ICA1L: variants seen among roughly 807,000 people sequenced by gnomAD.
The protein encoded by ICA1L is islet cell autoantigen 1 like.
A neutral mutation model predicts 61.3 loss-of-function variants in ICA1L; 50 were observed. That is an observed-to-expected ratio of 0.82 (90% CI 0.65 to 1.03). The LOEUF is 1.03. Ranked by LOEUF, ICA1L falls within the 50% of genes least tolerant of loss-of-function variation. ICA1L has a pLI of 0.00. For synonymous variants in ICA1L, 161 were observed against 191.3 expected (o/e 0.84, Z 1.31); for missense variants, 508 against 556.7 (o/e 0.91, Z 0.88).
At chr2:202,790,587 C>T (rs902944036) in intron 10 of ICA1L, among the ~76,000 whole-genome samples, 18 of 152,118 alleles carry the variant, frequency 1.2e-4, no homozygotes, top group African/African-American at 4.1e-4. Flanking sequence ...GCCAGCATTT[C>T]ACATCCCGTC....
At chr2:202,862,272 CAAAAAA>C (rs778355110) in intron 1 of ICA1L, among the ~76,000 whole-genome samples, 2,620 of 61,076 alleles carry the variant, frequency 0.043, no homozygotes, top group Non-Finnish European at 0.053. Flanking sequence ...CTCATTTCTA[CAAAAAA>C]AAAAAAAAAA....
rs567280990 is a variant in ICA1L at position 202,774,458 on chromosome 2, T to C, written c.*5075A>G. ...CGTCCAGGCCAGCTCAAGAAACAAC[T>C]TTTTCTTTCATGTTTTTTGTATGTG... On this transcript the variant is annotated 3_prime_UTR_variant, in exon 13 of 13. Coordinates refer to ENST00000358299, the MANE Select transcript of ICA1L (RefSeq NM_001288622.3). 9.6e-6 allele frequency: 5 copies of C among 520,754 alleles called. No homozygotes were observed. Among genetic ancestry groups the C allele is most frequent in the Non-Finnish European group, 1.6e-5 (5 of 320,636 alleles). 32.3% of individuals were successfully genotyped at this position (520,754 alleles called of 1,614,324 possible).
chr2:202,870,950 C>G (rs971845483), intron 1 of ICA1L: 1 of 152,214 alleles, frequency 6.6e-6, no homozygotes, highest in African/African-American at 2.4e-5. Flanking sequence ...GACCAGCTGA[C>G]GCGCGTTTCC....
At chr2:202,784,480 T>A (rs1054770156) in intron 12 of ICA1L, among the ~76,000 whole-genome samples, 4 of 152,120 alleles carry the variant, frequency 2.6e-5, no homozygotes, top group Admixed American at 2.0e-4. Context: ...ATATTGATAA[T>A]AAATAAATGA....
chr2:202,841,445 C>T, intron 1 of ICA1L: 1 of 1,160,110 alleles, frequency 8.6e-7, no homozygotes, highest in South Asian at 1.2e-5. Context: ...TTCTGCTGCT[C>T]CAGGAATTGT....
At chr2:202,851,884 T>A (rs1197219033) in intron 1 of ICA1L, among the ~76,000 whole-genome samples, 2 of 152,188 alleles carry the variant, frequency 1.3e-5, no homozygotes, top group Non-Finnish European at 2.9e-5. Context: ...TTGTTTGAGT[T>A]CTTTGTAGAT....
chr2:202,787,796 TA>T (rs989160100), intron 11 of ICA1L, among the ~76,000 whole-genome samples: 1 of 152,042 alleles, frequency 6.6e-6, no homozygotes, highest in African/African-American at 2.4e-5. Flanking sequence ...TAAAGCAAGA[TA>T]AAGTAGGATT....
intron 1 of ICA1L, among the ~76,000 whole-genome samples, chr2:202,843,020 T>C (rs1190351841): frequency 6.6e-6 from 1 of 152,248 alleles, no homozygotes; most frequent in African/African-American, 2.4e-5. Context: ...TTTCTTATTT[T>C]GGTCATCTAT....
At chr2:202,788,804 T>C (rs1324481944) in intron 11 of ICA1L, 26 bp downstream of exon 11, 2 of 1,612,618 alleles carry the variant, frequency 1.2e-6, no homozygotes, top group Non-Finnish European at 1.7e-6. Context: ...AAAGCACATA[T>C]GTCCAAATGT....
rs1464899716 is a variant in ICA1L at position 202,775,479 on chromosome 2, T to TTA, written c.*4052_*4053dup. On this transcript the variant is annotated 3_prime_UTR_variant, in exon 13 of 13. Coordinates refer to ENST00000358299, the MANE Select transcript of ICA1L (RefSeq NM_001288622.3). Reference sequence around the variant, plus strand: ...CGTACATTATATTATTTCCCATATCTTACATAGTCCCCTTGTATATGAAAT... The same window carrying TTA: ...CGTACATTATATTATTTCCCATATCTTATACATAGTCCCCTTGTATATGAAAT... 1 of 152,214 alleles carries TTA rather than the reference T, an allele frequency of 6.6e-6. No homozygotes were observed. Among genetic ancestry groups the TTA allele is most frequent in the African/African-American group, 2.4e-5 (1 of 41,458 alleles). 9.4% of individuals were successfully genotyped at this position (152,214 alleles called of 1,614,324 possible). A position where few individuals can be genotyped will look rare whatever the true frequency, so the allele number is the denominator to read the frequency against.
At position 202,820,551 on chromosome 2, in the gene ICA1L, A is replaced by G. The variant is rs17594279; in HGVS notation, c.360-652T>C. On this transcript the variant is annotated intron_variant, in intron 4 of 12. Transcript: ENST00000358299. ...ATTCATAAAGCATAATCCAATTAAC[A>G]GAAAGCCTTTCATTTGACAAGTTCA... Among the ~76,000 whole-genome samples the G allele has an allele frequency of 2.4e-3, 367 of 152,340 alleles. 9 individuals are homozygous for G. In the East Asian group the frequency reaches 0.06, roughly 25 times the overall value.
At chr2:202,864,603 GTATATGTGTGTGTGTATATA>G (rs931952353) in intron 1 of ICA1L, among the ~76,000 whole-genome samples, 1 of 147,840 alleles carries the variant, frequency 6.8e-6, no homozygotes, top group African/African-American at 2.5e-5. Context: ...GTGTATGTAT[GTATATGTGTGTGTGTATATA>G]TATATGTGTG....
At chr2:202,842,145 G>A (rs1049261520) in intron 1 of ICA1L, among the ~76,000 whole-genome samples, 25 of 152,204 alleles carry the variant, frequency 1.6e-4, no homozygotes, top group East Asian at 5.8e-4. Flanking sequence ...ATGGGCCACC[G>A]CACCAGGCCT....
At chr2:202,810,156 G>C (rs1693334104) in intron 9 of ICA1L, among the ~76,000 whole-genome samples, 1 of 152,192 alleles carries the variant, frequency 6.6e-6, no homozygotes, top group African/African-American at 2.4e-5. Context: ...AGACTTTTCA[G>C]TGGAAACCTT....
chr2:202,850,522 C>T lies in ICA1L; in HGVS notation c.-8+21097G>A, dbSNP rs113661370. On this transcript the variant is annotated intron_variant, in intron 1 of 12. Coordinates refer to ENST00000358299, the MANE Select transcript of ICA1L (RefSeq NM_001288622.3). ...AGTATCAATAGCTGAATCAATCAAG[C>T]GGAAGAAAGGATATCAGAAACTGAA... 4.3e-3 allele frequency among the ~76,000 whole-genome samples: 656 copies of T among 151,876 alleles called. 3 individuals are homozygous for T. The highest frequency in any genetic ancestry group is 7.9e-3 in the Non-Finnish European group (538 of 67,978).
At chr2:202,834,638 A>C (rs1444221862) in intron 1 of ICA1L, among the ~76,000 whole-genome samples, 2 of 152,074 alleles carry the variant, frequency 1.3e-5, no homozygotes, top group Non-Finnish European at 2.9e-5. Context: ...AAAAAAACAA[A>C]AACAAAAAAC....
intron 10 of ICA1L, among the ~76,000 whole-genome samples, chr2:202,794,308 T>C (rs1692848826): frequency 7.1e-6 from 1 of 140,758 alleles, no homozygotes; most frequent in East Asian, 2.0e-4. Flanking sequence ...ATCTCACCAC[T>C]GCACTCCTGC....
At chr2:202,782,834 G>A (rs905497087) in intron 12 of ICA1L, among the ~76,000 whole-genome samples, 9 of 151,512 alleles carry the variant, frequency 5.9e-5, no homozygotes, top group African/African-American at 4.9e-5. Context: ...TTTTGTGTTC[G>A]TTTCTGAAAT....
At chr2:202,809,160 A>C (rs1182538952) in intron 9 of ICA1L, among the ~76,000 whole-genome samples, 1 of 152,132 alleles carries the variant, frequency 6.6e-6, no homozygotes, top group Non-Finnish European at 1.5e-5. Context: ...CAGAGAAGGA[A>C]TTCAGAATCC....
Sources: allele counts gnomAD v4.1 joint callset (sites outside exome capture counted in the v4.1 genomes callset), GRCh38; gene constraint gnomAD v4.1.1; transcripts MANE v1.5; gene names NCBI Gene and HGNC (gene_info 2026-07-23, HGNC 2026-07-21).